The following AFF1 variants were observed in gnomAD, a reference collection of about 807,000 sequenced individuals.
AFF1 encodes ALF transcription elongation factor 1.
A neutral mutation model predicts 121.7 loss-of-function variants in AFF1; 48 were observed. The observed-to-expected ratio is 0.39, with a 90% confidence interval of 0.31 to 0.50. AFF1 has a LOEUF of 0.50. AFF1 is among the 20% of genes least tolerant of loss of function. AFF1 has a pLI of 0.76. For synonymous variants in AFF1, 613 were observed against 563.0 expected (o/e 1.09, Z -1.26); for missense variants, 1,523 against 1,511.7 (o/e 1.01, Z -0.12).
At chr4:87,036,267 A>C (rs115474020) in intron 2 of AFF1, among the ~76,000 whole-genome samples, 1 of 152,332 alleles carries the variant, frequency 6.6e-6, no homozygotes, top group South Asian at 2.1e-4. Flanking sequence ...GCTGGTAAGC[A>C]CTTGACATCA....
At chr4:87,077,455 G>C (rs1217372631) in intron 4 of AFF1, among the ~76,000 whole-genome samples, 2 of 152,144 alleles carry the variant, frequency 1.3e-5, no homozygotes, top group Admixed American at 1.3e-4. Flanking sequence ...TCGAGAACAG[G>C]CTTTTGATCC....
At position 87,020,857 on chromosome 4, in the gene AFF1, A is replaced by C. The variant is rs554233010; in HGVS notation, c.39-25309A>C. 2.5e-4 allele frequency: 247 copies of C among 981,560 alleles called. No individual in the cohort carries two copies. The African/African-American group carries it at 3.9e-3, about 16-fold the overall frequency. 60.8% of individuals were successfully genotyped at this position (981,560 alleles called of 1,614,324 possible). A position where few individuals can be genotyped will look rare whatever the true frequency, so the allele number is the denominator to read the frequency against. On this transcript the variant is annotated intron_variant, in intron 2 of 20. Coordinates refer to ENST00000395146, the MANE Select transcript of AFF1 (RefSeq NM_001166693.3). ...TCAAATTGTCCTGTTTGGCAATATT[A>C]GTTTTTAATGTATTCTTCCAGAAGG... is the stretch of plus-strand genomic sequence containing the variant.
intron 2 of AFF1, among the ~76,000 whole-genome samples, chr4:87,030,072 T>A (rs1157349632): frequency 6.6e-6 from 1 of 152,184 alleles, no homozygotes; most frequent in African/African-American, 2.4e-5. Context: ...ACTGAAAGAC[T>A]GTATATTTTA....
At chr4:86,937,635 G>A (rs1418622929) in intron 1 of AFF1, among the ~76,000 whole-genome samples, 1 of 152,174 alleles carries the variant, frequency 6.6e-6, no homozygotes, top group African/African-American at 2.4e-5. Flanking sequence ...AGGCTGGAGT[G>A]CGGTGGCACG....
intron 2 of AFF1, among the ~76,000 whole-genome samples, chr4:86,994,143 A>G (rs4693799): frequency 0.94 from 142,537 of 152,284 alleles, 67,049 homozygotes; most frequent in Non-Finnish European, 0.98. Flanking sequence ...CTAAATTGCC[A>G]GAAGGCACTA....
chr4:86,965,902 C>T (rs1478993838), intron 2 of AFF1, among the ~76,000 whole-genome samples: 1 of 152,112 alleles, frequency 6.6e-6, no homozygotes, highest in African/African-American at 2.4e-5. Context: ...CATTAAACTT[C>T]CCAATTCAGA....
chr4:87,113,080 C>T (rs959106198), intron 11 of AFF1, among the ~76,000 whole-genome samples: 1 of 152,110 alleles, frequency 6.6e-6, no homozygotes, highest in African/African-American at 2.4e-5. Flanking sequence ...GTCTAACAGC[C>T]GAGCTGGAGA....
chr4:87,136,289 C>T lies in AFF1; in HGVS notation c.*588C>T, dbSNP rs188870316. ...GCCAATGAACAGTGGCTTGATAATACCAAGTATTGTTGTAATTTATAAAAT... is the reference window on the plus strand; with the variant it reads ...GCCAATGAACAGTGGCTTGATAATATCAAGTATTGTTGTAATTTATAAAAT... On this transcript the variant is annotated 3_prime_UTR_variant, in exon 21 of 21. Transcript: ENST00000395146. 2 of 231,926 alleles carry T rather than the reference C, an allele frequency of 8.6e-6. No individual in the cohort carries two copies. The highest frequency in any genetic ancestry group is 1.1e-4 in the Admixed American group (2 of 17,724). The allele number at this position is 231,926 out of a possible 1,614,324, so 14.4% of individuals were successfully genotyped here. A position where few individuals can be genotyped will look rare whatever the true frequency, so the allele number is the denominator to read the frequency against.
chr4:86,980,952 C>G (rs915297203), intron 2 of AFF1, among the ~76,000 whole-genome samples: 1 of 136,010 alleles, frequency 7.4e-6, no homozygotes, highest in Non-Finnish European at 1.6e-5. Context: ...GAGGCACCCC[C>G]CCCCTCCACC....
At chr4:87,004,630 A>G (rs1168376782) in intron 2 of AFF1, among the ~76,000 whole-genome samples, 2 of 152,174 alleles carry the variant, frequency 1.3e-5, no homozygotes, top group Admixed American at 1.3e-4. Context: ...TTTGCATTAT[A>G]TATTCTTGTT....
intron 2 of AFF1, among the ~76,000 whole-genome samples, chr4:87,030,577 G>A (rs1728975013): frequency 6.6e-6 from 1 of 151,970 alleles, no homozygotes; most frequent in Non-Finnish European, 1.5e-5. Context: ...ACTGGTCTAA[G>A]CATGTCAGGA....
intron 2 of AFF1, among the ~76,000 whole-genome samples, chr4:87,035,947 A>G (rs2149591298): frequency 6.6e-6 from 1 of 152,290 alleles, no homozygotes. Flanking sequence ...TTTTGCAGGT[A>G]TGAGATGTGG....
intron 2 of AFF1, among the ~76,000 whole-genome samples, chr4:87,036,175 A>T (rs951671177): frequency 2.0e-5 from 3 of 152,232 alleles, no homozygotes; most frequent in African/African-American, 7.2e-5. Context: ...GTCAGGTGAC[A>T]GACTTTATCT....
chr4:86,984,808 G>A (rs992073527), intron 2 of AFF1, among the ~76,000 whole-genome samples: 3 of 152,002 alleles, frequency 2.0e-5, no homozygotes, highest in African/African-American at 4.8e-5. Context: ...ATATAGTCCC[G>A]CTACTTGGGA....
chr4:86,979,451 T>C (rs1723561174), intron 2 of AFF1, among the ~76,000 whole-genome samples: 1 of 152,172 alleles, frequency 6.6e-6, no homozygotes. Context: ...AAATCCTCAA[T>C]AAATAGGTGT....
intron 18 of AFF1, 107 bp from the exon 19 acceptor site, chr4:87,132,164 C>T: frequency 7.4e-7 from 1 of 1,352,862 alleles, no homozygotes; most frequent in South Asian, 1.5e-5. Context: ...TACTAACTCA[C>T]ACAGGTGAGG....
intron 2 of AFF1, among the ~76,000 whole-genome samples, chr4:87,045,140 G>T (rs1455068354): frequency 2.6e-5 from 4 of 152,122 alleles, no homozygotes; most frequent in Non-Finnish European, 5.9e-5. Context: ...GAAAGGGGGT[G>T]GGGAAGGGCG....
rs1320237446 is a variant in AFF1 at position 87,138,663 on chromosome 4, C to T, written c.*2962C>T. 1 of 231,050 alleles carries T rather than the reference C, an allele frequency of 4.3e-6. No individual in the cohort carries two copies. Among genetic ancestry groups the T allele is most frequent in the Non-Finnish European group, 8.6e-6 (1 of 116,760 alleles). The allele number at this position is 231,050 out of a possible 1,614,324, so 14.3% of individuals were successfully genotyped here. On this transcript the variant is annotated 3_prime_UTR_variant, in exon 21 of 21. Coordinates refer to ENST00000395146, the MANE Select transcript of AFF1 (RefSeq NM_001166693.3). Reference sequence around the variant, plus strand: ...AAAATTTATCAAATTATACTGGGTTCGGATTGTGAAAACATTGGCCACCTA... The same window carrying T: ...AAAATTTATCAAATTATACTGGGTTTGGATTGTGAAAACATTGGCCACCTA...
At chr4:87,007,385 C>G in intron 2 of AFF1, 1 of 1,613,966 alleles carries the variant, frequency 6.2e-7, no homozygotes, top group Non-Finnish European at 8.5e-7. Flanking sequence ...GGACGGAAGA[C>G]CCCTGGCTCT....
Sources: gnomAD v4.1 joint callset for allele counts (sites outside exome capture counted in the v4.1 genomes callset) on GRCh38, gnomAD v4.1.1 for gene constraint, MANE v1.5 for transcripts, NCBI Gene and HGNC (gene_info 2026-07-23, HGNC 2026-07-21) for gene names.